The following CMTM7 variants were observed in gnomAD, a reference collection of about 807,000 sequenced individuals.
CMTM7 encodes CKLF like MARVEL transmembrane domain containing 7.
CMTM7 carries 7 observed loss-of-function variants against 19.3 expected under a neutral mutation model. The ratio of observed to expected loss-of-function variants is 0.36; its 90% CI spans 0.21 to 0.68. CMTM7 has a LOEUF of 0.68. Ranked by LOEUF, CMTM7 falls within the 30% of genes least tolerant of loss-of-function variation. The pLI is 0.60. For synonymous variants in CMTM7, 87 were observed against 99.3 expected, an observed-to-expected ratio of 0.88 and a Z score of 0.74; for missense variants, 193 against 232.6, an observed-to-expected ratio of 0.83 and a Z score of 1.11.
At chr3:32,427,117 A>G (rs1029310537) in intron 1 of CMTM7, among the ~76,000 whole-genome samples, 34 of 152,222 alleles carry the variant, frequency 2.2e-4, no homozygotes, top group African/African-American at 6.3e-4. Context: ...AACTGAGTGG[A>G]AATACAACTG....
rs1450366743 is a variant in CMTM7 at position 32,392,058 on chromosome 3, C to T, written c.152C>T (p.Ala51Val). Residue 51 changes from alanine to valine, a missense_variant, in exon 1 of 5, where the codon GCG becomes GTG. Coordinates refer to ENST00000334983, the MANE Select transcript of CMTM7 (RefSeq NM_138410.4). ...PRTHAALLKVAQMVTLLIAFI... is the reference protein window; with the variant it reads ...PRTHAALLKVVQMVTLLIAFI... ...ACCCACGCGGCCCTGCTGAAAGTGG[C>T]GCAAATGGTAAGTGAGCGCGGGGCG... 2.4e-6 allele frequency: 3 copies of T among 1,234,556 alleles called. No homozygotes were observed. The highest frequency in any genetic ancestry group is 6.3e-5 in the East Asian group (2 of 31,644). The allele number at this position is 1,234,556 out of a possible 1,614,324, so 76.5% of individuals were successfully genotyped here. A position where few individuals can be genotyped will look rare whatever the true frequency, so the allele number is the denominator to read the frequency against.
chr3:32,444,474 T>C (rs1254808388), intron 2 of CMTM7, among the ~76,000 whole-genome samples: 3 of 152,268 alleles, frequency 2.0e-5, no homozygotes, highest in Admixed American at 2.0e-4. Flanking sequence ...TGTAGTAAGT[T>C]GTAAAACTAG....
Position 32,416,375 on chromosome 3 carries a change from T to C in CMTM7, c.159+24310T>C, listed in dbSNP as rs1484950192. Among the ~76,000 whole-genome samples the C allele has an allele frequency of 7.1e-3, 662 of 92,764 alleles. 60 individuals are homozygous for C. Among genetic ancestry groups the C allele is most frequent in the African/African-American group, 0.026 (595 of 22,616 alleles). 60.9% of individuals were successfully genotyped at this position (92,764 alleles called of 152,430 possible). A position where few individuals can be genotyped will look rare whatever the true frequency, so the allele number is the denominator to read the frequency against. The stretch of plus-strand genomic sequence containing the variant: ...CATCCGGGCTAATTTTTTTTTTTTT[T>C]TTTTTTTTTTTTTTTTTTTTTTGAG... On this transcript the variant is annotated intron_variant, in intron 1 of 4. Coordinates refer to ENST00000334983, the MANE Select transcript of CMTM7 (RefSeq NM_138410.4).
rs747362838 is a variant in CMTM7 at position 32,442,682 on chromosome 3, GC to G, written c.333+670del. 4.6e-5 allele frequency among the ~76,000 whole-genome samples: 7 copies of G among 152,168 alleles called. No individual in the cohort carries two copies. The East Asian group carries it at 1.2e-3, about 25-fold the overall frequency. ...GAGGATTGAATGATAGGATTTTCTG[GC>G]TAAAAGAGACTAGTGGGGGCTGAGG... On this transcript the variant is annotated intron_variant, in intron 2 of 4. Transcript: ENST00000334983.
intron 1 of CMTM7, among the ~76,000 whole-genome samples, chr3:32,399,418 A>G (rs940400118): frequency 1.3e-5 from 2 of 152,172 alleles, no homozygotes; most frequent in Admixed American, 1.3e-4. Context: ...CTGAAATAAG[A>G]TTGAAGGAGC....
chr3:32,416,364 T>TTTC lies in CMTM7; in HGVS notation c.159+24301_159+24302insCTT, dbSNP rs1559405689. On this transcript the variant is annotated intron_variant, in intron 1 of 4. Coordinates refer to ENST00000334983, the MANE Select transcript of CMTM7 (RefSeq NM_138410.4). The stretch of plus-strand genomic sequence containing the variant: ...ACGTGCGCCACCATCCGGGCTAATT[T>TTTC]TTTTTTTTTTTTTTTTTTTTTTTTT... Among the ~76,000 whole-genome samples the TTTC allele has an allele frequency of 3.9e-4, 4 of 10,356 alleles. 1 individual carries two copies. The highest frequency in any genetic ancestry group is 3.9e-4 in the African/African-American group (1 of 2,532). 6.8% of individuals were successfully genotyped at this position (10,356 alleles called of 152,430 possible).
chr3:32,425,650 T>G (rs1696420491), intron 1 of CMTM7, among the ~76,000 whole-genome samples: 1 of 152,128 alleles, frequency 6.6e-6, no homozygotes, highest in South Asian at 2.1e-4. Flanking sequence ...GCCAATCTGT[T>G]GTATATATAG....
At chr3:32,413,937 C>T (rs1038806191) in intron 1 of CMTM7, among the ~76,000 whole-genome samples, 8 of 152,168 alleles carry the variant, frequency 5.3e-5, no homozygotes, top group South Asian at 4.1e-4. Flanking sequence ...ACTCGCCTCA[C>T]CCAAGATGAT....
At chr3:32,450,419 A>C (rs1366239786) in intron 3 of CMTM7, among the ~76,000 whole-genome samples, 1 of 152,188 alleles carries the variant, frequency 6.6e-6, no homozygotes, top group Non-Finnish European at 1.5e-5. Context: ...GAGAAAAAGA[A>C]AAGCTCTCTC....
chr3:32,454,406 A>T lies in CMTM7; in HGVS notation c.*152A>T. 3 of 931,440 alleles carry T rather than the reference A, an allele frequency of 3.2e-6. No individual in the cohort carries two copies. The highest frequency in any genetic ancestry group is 5.2e-6 in the Non-Finnish European group (3 of 581,984). The allele number at this position is 931,440 out of a possible 1,614,324, so 57.7% of individuals were successfully genotyped here. On this transcript the variant is annotated 3_prime_UTR_variant, in exon 5 of 5. Coordinates refer to ENST00000334983, the MANE Select transcript of CMTM7 (RefSeq NM_138410.4). ...GCACCCTCTTCCTGCTCTCCCAGGA[A>T]GCCAGCTCCCTGAGCTCCTGAGCCA...
At chr3:32,398,245 A>G (rs992198675) in intron 1 of CMTM7, among the ~76,000 whole-genome samples, 1 of 152,234 alleles carries the variant, frequency 6.6e-6, no homozygotes, top group Non-Finnish European at 1.5e-5. Context: ...AAATACAGCT[A>G]TTAACAGGAT....
intron 4 of CMTM7, 71 bp downstream of exon 4, chr3:32,452,544 A>G (rs939106995): frequency 1.8e-5 from 26 of 1,483,194 alleles, no homozygotes; most frequent in Admixed American, 6.7e-5. Context: ...GACTTCAGCC[A>G]TAGGGACAAA....
chr3:32,445,939 G>A (rs1696747814), intron 2 of CMTM7, among the ~76,000 whole-genome samples: 1 of 151,992 alleles, frequency 6.6e-6, no homozygotes, highest in Admixed American at 6.6e-5. Flanking sequence ...AGGATTTTTT[G>A]CATCTGTATT....
At chr3:32,412,272 G>A (rs1696188433) in intron 1 of CMTM7, among the ~76,000 whole-genome samples, 2 of 152,106 alleles carry the variant, frequency 1.3e-5, no homozygotes, top group African/African-American at 4.8e-5. Context: ...ATCACCTGAG[G>A]TCAGGAGTTT....
intron 1 of CMTM7, among the ~76,000 whole-genome samples, chr3:32,438,402 A>G (rs2125638251): frequency 6.6e-6 from 1 of 152,230 alleles, no homozygotes; most frequent in South Asian, 2.1e-4. Flanking sequence ...AAGCTTCTAA[A>G]TAATTCAGGG....
chr3:32,447,229 C>T (rs751957978), intron 2 of CMTM7, among the ~76,000 whole-genome samples: 1 of 152,054 alleles, frequency 6.6e-6, no homozygotes, highest in East Asian at 1.9e-4. Context: ...CCTGATTTCC[C>T]TCTGCTCTTG....
At chr3:32,398,108 A>G (rs1262403621) in intron 1 of CMTM7, among the ~76,000 whole-genome samples, 2 of 152,200 alleles carry the variant, frequency 1.3e-5, no homozygotes, top group Non-Finnish European at 2.9e-5. Flanking sequence ...GTTGGGAAGG[A>G]AAAAGATGTA....
chr3:32,437,615 G>A (rs1170662432), intron 1 of CMTM7, among the ~76,000 whole-genome samples: 10 of 151,364 alleles, frequency 6.6e-5, no homozygotes, highest in Admixed American at 3.3e-4. Context: ...AAAATAGGCC[G>A]GGCGCGGTGG....
intron 2 of CMTM7, among the ~76,000 whole-genome samples, chr3:32,448,241 T>G (rs1342232621): frequency 1.3e-5 from 2 of 152,220 alleles, no homozygotes; most frequent in Non-Finnish European, 2.9e-5. Context: ...GTTGAGAATC[T>G]TGGAGGTGGG....
Sources: allele counts gnomAD v4.1 joint callset (sites outside exome capture counted in the v4.1 genomes callset), GRCh38; gene constraint gnomAD v4.1.1; transcripts MANE v1.5; gene names NCBI Gene and HGNC (gene_info 2026-07-23, HGNC 2026-07-21).